ITGAX: variants seen among roughly 807,000 people sequenced by gnomAD.
The protein encoded by ITGAX is integrin alpha-X.
A neutral mutation model predicts 140.2 loss-of-function variants in ITGAX; 99 were observed. That is an observed-to-expected ratio of 0.71 (90% confidence interval 0.60 to 0.83). ITGAX has a LOEUF of 0.83. Ranked by LOEUF, ITGAX falls within the 40% of genes least tolerant of loss-of-function variation. The probability of loss-of-function intolerance (pLI) is 0.00; values close to 1 mark genes in which losing one functional copy is unlikely to be tolerated. For synonymous variants in ITGAX, 631 were observed against 600.4 expected (o/e 1.05, Z -0.75); for missense variants, 1,444 against 1,482.0 (o/e 0.97, Z 0.42).
intron 23 of ITGAX, 99 bp downstream of exon 23, chr16:31,377,364 A>AAGGTGTTTGAAACTAAAAGGTC (rs1241463512): frequency 6.3e-6 from 6 of 952,514 alleles, no homozygotes; most frequent in Non-Finnish European, 9.5e-6. Context: ...AGGGTGAGAT[A>AAGGTGTTTGAAACTAAAAGGTC]AGGTGTTTGA....
intron 25 of ITGAX, 22 bp downstream of exon 25, chr16:31,379,886 C>G (rs983180285): frequency 6.2e-7 from 1 of 1,610,940 alleles, no homozygotes; most frequent in East Asian, 2.2e-5. Context: ...CTGCATGTGG[C>G]TCCTCCACGA....
At position 31,377,266 on chromosome 16, in the gene ITGAX, G is replaced by A; in HGVS notation, c.2789+1G>A. 2 of 1,610,958 alleles carry A rather than the reference G, an allele frequency of 1.2e-6. No individual in the cohort carries two copies. Among genetic ancestry groups the A allele is most frequent in the African/African-American group, 1.3e-5 (1 of 74,146 alleles). Reference sequence around the variant, plus strand: ...ATGCTGTCTACACTGTGGTTAGCAGGTCAGCAGGTACCCCACTGCAGGAAA... The same window carrying A: ...ATGCTGTCTACACTGTGGTTAGCAGATCAGCAGGTACCCCACTGCAGGAAA... On this transcript the variant is annotated splice_donor_variant, in intron 23 of 29. Transcript: ENST00000268296. LOFTEE classifies it high-confidence loss of function.
chr16:31,362,265 G>C, intron 11 of ITGAX, 61 bp downstream of exon 11: 1 of 1,598,502 alleles, frequency 6.3e-7, no homozygotes, highest in South Asian at 1.1e-5. Flanking sequence ...TGGGGTCCAG[G>C]GTTCTGGGGA....
At chr16:31,366,907 A>C (rs950654628) in intron 14 of ITGAX, among the ~76,000 whole-genome samples, 1 of 152,242 alleles carries the variant, frequency 6.6e-6, no homozygotes. Context: ...GGCCTTTTGC[A>C]CCAAACAGCC....
Position 31,373,374 on chromosome 16 carries a change from A to C in ITGAX, c.2492A>C (p.Tyr831Ser), listed in dbSNP as rs769900478. ...FSHPAGLSYR[Y>S]VAEGQKQGQL... ...CACCCCGCAGGACTGTCCTACCGCT[A>C]CGTGGCAGAGGGCCAGGTGCACCCT... is the stretch of plus-strand genomic sequence containing the variant. The change falls in exon 20 of 30, where the codon TAC becomes TCC. Residue 831 changes from tyrosine (Y) to serine (S), a missense_variant. Transcript: ENST00000268296. 6.2e-7 allele frequency: 1 copy of C among 1,611,734 alleles called. No homozygotes were observed. Among genetic ancestry groups the C allele is most frequent in the Admixed American group, 1.7e-5 (1 of 59,770 alleles).
rs767429773 is a variant in ITGAX, at chr16:31,363,380, G to C, written c.1710+6G>C. On this transcript the variant is annotated splice_donor_region_variant and intron_variant, in intron 14 of 29. Coordinates refer to ENST00000268296, the MANE Select transcript of ITGAX (RefSeq NM_000887.5). Reference sequence around the variant, plus strand: ...TCAGCCCCTCCCACAGCCAGGTGAGGCCGTGTCCCATTTCTGTCACTAGAG... The same window carrying C: ...TCAGCCCCTCCCACAGCCAGGTGAGCCCGTGTCCCATTTCTGTCACTAGAG... The C allele has an allele frequency of 4.3e-6, 7 of 1,613,766 alleles. No homozygotes were observed. The South Asian group carries it at 7.7e-5, about 18-fold the overall frequency.
In ITGAX at chr16:31,373,464, G is replaced by C. The variant is rs546624648; in HGVS notation, c.2508+74G>C. 2.8e-5 allele frequency: 41 copies of C among 1,475,284 alleles called. No homozygotes were observed. In the African/African-American group the frequency reaches 4.6e-4, roughly 17 times the overall value. The allele number at this position is 1,475,284 out of a possible 1,614,324, so 91.4% of individuals were successfully genotyped here. On this transcript the variant is annotated intron_variant, in intron 20 of 29. Transcript: ENST00000268296. ...GATTCCCGTGCGGTTCAGAACCCGG[G>C]CTGGGCTTGGAGGTGGTAGTGCCAT...
Position 31,359,814 on chromosome 16 carries a change from A to C in ITGAX, c.545A>C (p.Gln182Pro). 1 of 1,614,186 alleles carries C rather than the reference A, an allele frequency of 6.2e-7. No homozygotes were observed. The highest frequency in any genetic ancestry group is 1.7e-5 in the Admixed American group (1 of 60,028). The change falls in exon 6 of 30, where the codon CAG (glutamine) becomes CCG (proline). Residue 182 changes from glutamine to proline, a missense_variant. Coordinates refer to ENST00000268296, the MANE Select transcript of ITGAX (RefSeq NM_000887.5). ...NFVRAVISQF[Q>P]RPSTQFSLMQ... ...GTGAGAGCTGTGATAAGCCAGTTCC[A>C]GAGACCCAGCACCCAGGTGTGCCTT...
At chr16:31,355,747 G>C in intron 1 of ITGAX, 146 bp from the exon 2 acceptor site, 4 of 674,310 alleles carry the variant, frequency 5.9e-6, no homozygotes, top group South Asian at 1.7e-5. Context: ...GGGAAGGAGA[G>C]AAGGGGATGA....
intron 28 of ITGAX, 123 bp downstream of exon 28, chr16:31,380,747 G>C: frequency 7.4e-7 from 1 of 1,346,320 alleles, no homozygotes; most frequent in Non-Finnish European, 1.1e-6. Context: ...GGGCAGGATA[G>C]CTGTCCCTAA....
rs372665358 is a variant in ITGAX at position 31,371,618 on chromosome 16, G to T, written c.2006-12G>T. 1 of 1,613,598 alleles carries T rather than the reference G, an allele frequency of 6.2e-7. No homozygotes were observed. Among genetic ancestry groups the T allele is most frequent in the East Asian group, 2.2e-5 (1 of 44,854 alleles). On this transcript the variant is annotated splice_polypyrimidine_tract_variant and intron_variant, in intron 16 of 29. Transcript: ENST00000268296. ...GTTCCTGTCTCAACGCCGTCCCTGC[G>T]ACCGCCTACAGGTGACCTCCAAAGC...
chr16:31,380,355 C>T lies in ITGAX; in HGVS notation c.3150C>T (p.Asn1050=), dbSNP rs376974528. The change falls in exon 27 of 30, where the codon AAC becomes AAT. Residue 1050 remains asparagine (N), a synonymous_variant. Transcript: ENST00000268296. ...AGCTGGATTTCACCCTGAAGGGCAA[C>T]CTCAGCTTTGGCTGGGTCCGCCAGG... ...QEELDFTLKG[N]LSFGWVRQIL... 5 of 1,614,208 alleles carry T rather than the reference C, an allele frequency of 3.1e-6. No individual in the cohort carries two copies. Among genetic ancestry groups the T allele is most frequent in the African/African-American group, 1.3e-5 (1 of 75,070 alleles).
At chr16:31,367,490 AT>A (rs1828888706) in intron 14 of ITGAX, among the ~76,000 whole-genome samples, 1 of 152,228 alleles carries the variant, frequency 6.6e-6, no homozygotes, top group Admixed American at 6.5e-5. Context: ...CATTTGGAAA[AT>A]TCCAGGGCCC....
At chr16:31,370,267 T>G (rs1399734007) in intron 14 of ITGAX, among the ~76,000 whole-genome samples, 1 of 152,172 alleles carries the variant, frequency 6.6e-6, no homozygotes, top group East Asian at 1.9e-4. Context: ...TTATTATCAC[T>G]TTTAATGGCT....
intron 23 of ITGAX, 105 bp from the exon 24 acceptor site, chr16:31,379,463 A>G: frequency 1.8e-6 from 2 of 1,110,270 alleles, no homozygotes; most frequent in South Asian, 2.9e-5. Context: ...TCATTCCAGG[A>G]CATTCCAAGG....
intron 14 of ITGAX, among the ~76,000 whole-genome samples, chr16:31,367,266 C>T (rs575806280): frequency 2.0e-5 from 3 of 152,314 alleles, no homozygotes; most frequent in Admixed American, 6.5e-5. Flanking sequence ...ATGGAGAAGG[C>T]GCAGCAAGTT....
intron 3 of ITGAX, 43 bp downstream of exon 3, chr16:31,356,771 G>A: frequency 1.4e-6 from 2 of 1,416,008 alleles, no homozygotes; most frequent in Non-Finnish European, 1.9e-6. Context: ...GGGCTCCCAG[G>A]CTTCCCTGCT....
rs185391531 is a variant in ITGAX, at chr16:31,368,024, G to T, written c.1711-3060G>T. 9.2e-5 allele frequency among the ~76,000 whole-genome samples: 14 copies of T among 152,302 alleles called. No homozygotes were observed. The East Asian group carries it at 2.5e-3, about 27-fold the overall frequency. On this transcript the variant is annotated intron_variant, in intron 14 of 29. Coordinates refer to ENST00000268296, the MANE Select transcript of ITGAX (RefSeq NM_000887.5). The stretch of plus-strand genomic sequence containing the variant: ...CTTTGAGTGGCTCAAGGCTTCAGGG[G>T]AGGAAGTGATTGCGGATGTGTGGAA...
At chr16:31,360,233 C>T in intron 7 of ITGAX, 77 bp from the exon 8 acceptor site, 2 of 1,527,506 alleles carry the variant, frequency 1.3e-6, no homozygotes, top group East Asian at 4.5e-5. Context: ...GAAAAGGCAT[C>T]TTCTAATTTT....
Sources: allele counts gnomAD v4.1 joint callset (sites outside exome capture counted in the v4.1 genomes callset), GRCh38; gene constraint gnomAD v4.1.1; transcripts MANE v1.5; gene names NCBI Gene and HGNC (gene_info 2026-07-23, HGNC 2026-07-21).